The following FHAD1 variants were observed in gnomAD, a reference collection of about 807,000 sequenced individuals.
The protein encoded by FHAD1 is forkhead associated phosphopeptide binding domain 1, also known as forkhead-associated domain-containing protein 1.
FHAD1 carries 146 observed loss-of-function variants against 191.3 expected under a neutral mutation model. The observed-to-expected ratio is 0.76, with a 90% CI of 0.67 to 0.88. The LOEUF (loss-of-function observed/expected upper bound fraction) is 0.88. FHAD1 is among the 40% of genes least tolerant of loss of function. The probability of loss-of-function intolerance (pLI) is 0.00; values close to 1 mark genes in which losing one functional copy is unlikely to be tolerated. For synonymous variants in FHAD1, 616 were observed against 672.3 expected, an observed-to-expected ratio of 0.92 and a Z score of 1.29; for missense variants, 1,635 against 1,785.8, an observed-to-expected ratio of 0.92 and a Z score of 1.52.
At chr1:15,373,553 T>C (rs150927860) in intron 26 of FHAD1, among the ~76,000 whole-genome samples, 9 of 151,662 alleles carry the variant, frequency 5.9e-5, no homozygotes, top group African/African-American at 2.2e-4. Context: ...GTCTGTGCTC[T>C]TAGTAAACCC....
chr1:15,331,320 C>T (rs928102967), intron 14 of FHAD1, among the ~76,000 whole-genome samples: 8 of 151,636 alleles, frequency 5.3e-5, no homozygotes, highest in Non-Finnish European at 1.0e-4. Context: ...GGGCCTAATA[C>T]ATATCTGTGG....
intron 15 of FHAD1, among the ~76,000 whole-genome samples, chr1:15,341,463 T>C (rs1242089099): frequency 6.6e-6 from 1 of 152,224 alleles, no homozygotes; most frequent in Non-Finnish European, 1.5e-5. Context: ...TCCATCATTA[T>C]CTCACTTAAT....
At position 15,279,026 on chromosome 1, in the gene FHAD1, G is replaced by C. The variant is rs185226389; in HGVS notation, c.300+6497G>C. Among the ~76,000 whole-genome samples, 316 of 152,236 alleles carry C rather than the reference G, an allele frequency of 2.1e-3. 2 individuals are homozygous for C. The highest frequency in any genetic ancestry group is 7.2e-3 in the African/African-American group (301 of 41,540). Reference sequence around the variant, plus strand: ...TATAGTCCAGAGGCTGCTGTAGCTAGAGAACTGTTTATTTGTTCCAAATTT... The same window carrying C: ...TATAGTCCAGAGGCTGCTGTAGCTACAGAACTGTTTATTTGTTCCAAATTT... On this transcript the variant is annotated intron_variant, in intron 3 of 33. Coordinates refer to ENST00000688493, the MANE Select transcript of FHAD1 (RefSeq NM_001391957.1).
rs537984407 is a variant in FHAD1, at chr1:15,296,787, G to A, written c.672G>A (p.Gln224=). 47 of 1,551,350 alleles carry A rather than the reference G, an allele frequency of 3.0e-5. No individual in the cohort carries two copies. The African/African-American group carries it at 5.1e-4, about 17-fold the overall frequency. Residue 224 remains glutamine (Q), a synonymous_variant, in exon 5 of 34, where the codon CAG becomes CAA. Coordinates refer to ENST00000688493, the MANE Select transcript of FHAD1 (RefSeq NM_001391957.1). ...ATGTGGAGGAGGACTTGGCCCAGCA[G>A]GACAAGGTGAGGGAGGGGTCTGGGG... is the stretch of plus-strand genomic sequence containing the variant. ...EIYVEEDLAQ[Q]DKDEIILLLG...
At chr1:15,282,579 A>G (rs192824057) in intron 3 of FHAD1, among the ~76,000 whole-genome samples, 45 of 152,338 alleles carry the variant, frequency 3.0e-4, no homozygotes, top group African/African-American at 1.0e-3. Flanking sequence ...GGAACCTCAC[A>G]TGTTCATCAA....
At chr1:15,250,767 A>G (rs1435372417) in intron 1 of FHAD1, among the ~76,000 whole-genome samples, 3 of 152,092 alleles carry the variant, frequency 2.0e-5, no homozygotes, top group Non-Finnish European at 4.4e-5. Flanking sequence ...TGAGCCCAAG[A>G]GTTCAAGACT....
intron 14 of FHAD1, chr1:15,334,133 G>T (rs6665126): frequency 0.36 from 55,061 of 151,898 alleles, 10,634 homozygotes; most frequent in African/African-American, 0.49. Context: ...GCCTTCATTT[G>T]AAAAGTAAAG....
intron 21 of FHAD1, among the ~76,000 whole-genome samples, 169 bp from the exon 22 acceptor site, chr1:15,360,309 T>A (rs1424039654): frequency 6.6e-6 from 1 of 152,132 alleles, no homozygotes; most frequent in African/African-American, 2.4e-5. Flanking sequence ...AAGAAGGAGT[T>A]GGCCATGCAA....
chr1:15,378,617 A>G (rs1700195982), intron 28 of FHAD1, among the ~76,000 whole-genome samples: 1 of 152,180 alleles, frequency 6.6e-6, no homozygotes, highest in Non-Finnish European at 1.5e-5. Flanking sequence ...TGCCCAATTT[A>G]TTGTCATCTT....
chr1:15,377,557 G>A (rs1285531348), intron 28 of FHAD1, among the ~76,000 whole-genome samples: 1 of 152,240 alleles, frequency 6.6e-6, no homozygotes, highest in Non-Finnish European at 1.5e-5. Context: ...AGATAAAGGG[G>A]CCAAGCACAG....
upstream of FHAD1, among the ~76,000 whole-genome samples, chr1:15,243,268 G>C (rs1049840705): frequency 3.3e-5 from 5 of 152,292 alleles, no homozygotes; most frequent in South Asian, 1.0e-3. Context: ...TCTGTGTGTA[G>C]GTCTGTATAT....
chr1:15,253,105 G>A (rs181280353), intron 2 of FHAD1, among the ~76,000 whole-genome samples: 12 of 152,032 alleles, frequency 7.9e-5, no homozygotes, highest in Admixed American at 7.9e-4. Context: ...TACTTACTAT[G>A]TGTGACTATA....
At chr1:15,283,658 G>A (rs1459250642) in intron 3 of FHAD1, among the ~76,000 whole-genome samples, 1 of 152,106 alleles carries the variant, frequency 6.6e-6, no homozygotes, top group African/African-American at 2.4e-5. Flanking sequence ...CTCTCCTCTG[G>A]CACAGCAGTG....
At chr1:15,369,225 C>G in intron 25 of FHAD1, 145 bp from the exon 26 acceptor site, 1 of 1,061,332 alleles carries the variant, frequency 9.4e-7, no homozygotes, top group South Asian at 1.7e-5. Flanking sequence ...AAACTGAATT[C>G]TCTAGAAATA....
chr1:15,329,745 G>A lies in FHAD1; in HGVS notation c.1906+204G>A. On this transcript the variant is annotated intron_variant, in intron 14 of 33. Transcript: ENST00000688493. This position sits in a 1 kb window ranked among gnomAD's most constrained non-coding sequence, Gnocchi z 5.0. ...CACATACAAGTGAGACACGATAACT[G>A]AAGAAAAATGAAACAAAACAGAGGC... 2.0e-6 allele frequency: 1 copy of A among 499,586 alleles called. No individual in the cohort carries two copies. The highest frequency in any genetic ancestry group is 3.6e-6 in the Non-Finnish European group (1 of 279,204). The allele number at this position is 499,586 out of a possible 1,614,324, so 30.9% of individuals were successfully genotyped here.
At chr1:15,263,914 C>T (rs1388234478) in intron 2 of FHAD1, among the ~76,000 whole-genome samples, 1 of 152,202 alleles carries the variant, frequency 6.6e-6, no homozygotes, top group Non-Finnish European at 1.5e-5. Flanking sequence ...ATGGTATTGA[C>T]ACCCTTGTCG....
chr1:15,348,187 T>G (rs1304346678), intron 18 of FHAD1, among the ~76,000 whole-genome samples: 1 of 152,262 alleles, frequency 6.6e-6, no homozygotes, highest in Non-Finnish European at 1.5e-5. Context: ...TTTTGTCAAC[T>G]ACTTTTCACT....
At position 15,335,565 on chromosome 1, in the gene FHAD1, G is replaced by A. The variant is rs539755820; in HGVS notation, c.1907-3916G>A. The A allele has an allele frequency of 3.9e-5, 6 of 152,066 alleles. No individual in the cohort carries two copies. In the South Asian group the frequency reaches 1.0e-3, roughly 26 times the overall value. The allele number at this position is 152,066 out of a possible 1,614,324, so 9.4% of individuals were successfully genotyped here. A position where few individuals can be genotyped will look rare whatever the true frequency, so the allele number is the denominator to read the frequency against. On this transcript the variant is annotated intron_variant, in intron 14 of 33. Coordinates refer to ENST00000688493, the MANE Select transcript of FHAD1 (RefSeq NM_001391957.1). ...ACTGTTAGGAGTATTATCCCAGCAG[G>A]GTGGGATTGCACTGGACCTTGACTT...
intron 3 of FHAD1, among the ~76,000 whole-genome samples, chr1:15,274,534 C>T (rs1657514069): frequency 6.6e-6 from 1 of 151,824 alleles, no homozygotes; most frequent in Non-Finnish European, 1.5e-5. Flanking sequence ...ATTGCTTGGA[C>T]CCAGGAGGTG....
Sources: allele counts gnomAD v4.1 joint callset (sites outside exome capture counted in the v4.1 genomes callset), GRCh38; gene constraint gnomAD v4.1.1; non-coding constraint Gnocchi (gnomAD v3.1); transcripts MANE v1.5; gene names NCBI Gene and HGNC (gene_info 2026-07-23, HGNC 2026-07-21).